The following DLGAP2 variants were observed in gnomAD, a reference collection of about 807,000 sequenced individuals.
The protein encoded by DLGAP2 is DLG associated protein 2.
In DLGAP2, 26 loss-of-function variants were observed where a neutral mutation model predicts 100.3. The observed-to-expected ratio is 0.26, with a 90% confidence interval of 0.19 to 0.36. DLGAP2 has a LOEUF of 0.36. Among genes scored for constraint, DLGAP2 ranks in the 10% least tolerant of loss-of-function variants. DLGAP2 has a pLI of 1.00. For missense variants in DLGAP2, 1,858 were observed against 1,453.2 expected, an observed-to-expected ratio of 1.28 and a Z score of -4.53; for synonymous variants, 886 against 630.1, an observed-to-expected ratio of 1.41 and a Z score of -6.08.
chr8:748,773 C>T (rs1032504728), intron 1 of DLGAP2, among the ~76,000 whole-genome samples: 1 of 152,174 alleles, frequency 6.6e-6, no homozygotes, highest in Admixed American at 6.5e-5. Flanking sequence ...GGGATGCTCT[C>T]GGAAAGCAGC....
intron 2 of DLGAP2, among the ~76,000 whole-genome samples, chr8:1,140,922 G>T: frequency 6.6e-6 from 1 of 152,228 alleles, no homozygotes; most frequent in Non-Finnish European, 1.5e-5. Flanking sequence ...GGTGGAGGTT[G>T]CAGTGAGCAG....
At chr8:796,359 C>T (rs942518851) in intron 1 of DLGAP2, among the ~76,000 whole-genome samples, 1 of 152,178 alleles carries the variant, frequency 6.6e-6, no homozygotes, top group African/African-American at 2.4e-5. Flanking sequence ...CACGGCCCCT[C>T]CGAGACTCCG....
At chr8:1,002,086 A>G (rs549680687) in intron 2 of DLGAP2, 1 of 152,322 alleles carries the variant, frequency 6.6e-6, no homozygotes, top group South Asian at 2.1e-4. Context: ...TGCTTAAATG[A>G]ACGATGATGC....
Position 1,588,521 on chromosome 8 carries a change from C to G in DLGAP2, c.1442+22627C>G, listed in dbSNP as rs1416351327. ...TAATTTATGAATTTTTTCATTTATT[C>G]ATTCGGTAAGTAAATATGTATTAAG... On this transcript the variant is annotated intron_variant, in intron 6 of 14. Transcript: ENST00000637795. Among the ~76,000 whole-genome samples, 5 of 152,106 alleles carry G rather than the reference C, an allele frequency of 3.3e-5. No homozygotes were observed. In the East Asian group the frequency reaches 9.7e-4, roughly 29 times the overall value.
chr8:1,088,379 G>GA (rs71528635), intron 2 of DLGAP2, among the ~76,000 whole-genome samples: 42,462 of 152,040 alleles, frequency 0.28, 5,933 homozygotes, highest in African/African-American at 0.3. Context: ...TAAGCAAGGT[G>GA]AAAAGCTTTT....
At chr8:1,105,122 C>G (rs1177942351) in intron 2 of DLGAP2, 1 of 152,208 alleles carries the variant, frequency 6.6e-6, no homozygotes, top group Non-Finnish European at 1.5e-5. Context: ...GCCCCGAATC[C>G]CAGTGTACAG....
At chr8:1,421,850 G>A (rs985587316) in intron 3 of DLGAP2, among the ~76,000 whole-genome samples, 1 of 152,088 alleles carries the variant, frequency 6.6e-6, no homozygotes, top group Non-Finnish European at 1.5e-5. Context: ...TGTAATCCCA[G>A]CTACTCAAGA....
chr8:1,155,651 ACTCCGAGACCCCCAGGCCC>A (rs537648755), intron 2 of DLGAP2, among the ~76,000 whole-genome samples: 8 of 150,938 alleles, frequency 5.3e-5, no homozygotes, highest in Non-Finnish European at 8.9e-5. Flanking sequence ...GTCTTTCCGG[ACTCCGAGACCCCCAGGCCC>A]CTCCGAGGCC....
chr8:1,273,400 C>T (rs1297067261), intron 3 of DLGAP2, among the ~76,000 whole-genome samples: 1 of 152,194 alleles, frequency 6.6e-6, no homozygotes, highest in Admixed American at 6.5e-5. Context: ...CCCCAGGTCA[C>T]ACAGCTGGCT....
chr8:1,001,313 T>G (rs944301828), intron 2 of DLGAP2, among the ~76,000 whole-genome samples: 7 of 152,210 alleles, frequency 4.6e-5, no homozygotes, highest in African/African-American at 1.7e-4. Flanking sequence ...TATCGAGAAG[T>G]CTGCCGAGCA....
At chr8:1,594,925 G>A (rs988091873) in intron 6 of DLGAP2, among the ~76,000 whole-genome samples, 1 of 152,002 alleles carries the variant, frequency 6.6e-6, no homozygotes, top group Non-Finnish European at 1.5e-5. Context: ...CCACTCACTG[G>A]GGTCTCCAGC....
In DLGAP2 at chr8:1,549,449, G is replaced by C. The variant is rs760029312; in HGVS notation, c.996G>C (p.Gln332His). The C allele has an allele frequency of 1.2e-6, 2 of 1,613,366 alleles. No individual in the cohort carries two copies. Among genetic ancestry groups the C allele is most frequent in the Non-Finnish European group, 1.7e-6 (2 of 1,179,778 alleles). ...CCCACTGCTACCCCGACGCGCTGCA[G>C]AGCCCCTTCGGGGACCTGTCCCTCA... ...PVAHCYPDAL[Q>H]SPFGDLSLKT... The change falls in exon 5 of 15, where the codon CAG becomes CAC. Residue 332 changes from glutamine to histidine, a missense_variant. Coordinates refer to ENST00000637795, the MANE Select transcript of DLGAP2 (RefSeq NM_001346810.2).
rs141720482 is a variant in DLGAP2, at chr8:1,365,845, G to A, written c.106+106962G>A. ...GGCCCTGGGGGGCCGCAGCTCAGAC[G>A]TAAATACACAGTGTCACCTCTCTCT... On this transcript the variant is annotated intron_variant, in intron 3 of 14. Coordinates refer to ENST00000637795, the MANE Select transcript of DLGAP2 (RefSeq NM_001346810.2). 6.4e-3 allele frequency among the ~76,000 whole-genome samples: 970 copies of A among 152,350 alleles called. 8 individuals are homozygous for A. Among genetic ancestry groups the A allele is most frequent in the Non-Finnish European group, 0.011 (755 of 68,036 alleles).
At position 1,371,475 on chromosome 8, in the gene DLGAP2, G is replaced by A. The variant is rs146458156; in HGVS notation, c.106+112592G>A. On this transcript the variant is annotated intron_variant, in intron 3 of 14. Coordinates refer to ENST00000637795, the MANE Select transcript of DLGAP2 (RefSeq NM_001346810.2). ...GACTCAGGCTGGTGCTCTGCCCAGC[G>A]CGTTGCTGCCCAGTCACTGCAGGTT... is the stretch of plus-strand genomic sequence containing the variant. 1.9e-3 allele frequency among the ~76,000 whole-genome samples: 288 copies of A among 152,302 alleles called. 1 individual carries two copies. The highest frequency in any genetic ancestry group is 6.5e-3 in the African/African-American group (271 of 41,568).
intron 3 of DLGAP2, among the ~76,000 whole-genome samples, chr8:1,303,393 T>C (rs1271781829): frequency 8.8e-6 from 1 of 114,028 alleles, no homozygotes; most frequent in Non-Finnish European, 1.8e-5. Context: ...CGAGACTCCG[T>C]CTCAAAAACA....
At chr8:1,232,617 G>T (rs964213191) in intron 2 of DLGAP2, among the ~76,000 whole-genome samples, 2 of 152,226 alleles carry the variant, frequency 1.3e-5, no homozygotes, top group African/African-American at 4.8e-5. Context: ...TTTGTTGAGT[G>T]TGGAATCCAC....
At chr8:796,503 C>G (rs1300611811) in intron 1 of DLGAP2, among the ~76,000 whole-genome samples, 1 of 152,166 alleles carries the variant, frequency 6.6e-6, no homozygotes, top group Non-Finnish European at 1.5e-5. Context: ...GAGGGTGTGG[C>G]CTGCTCTGTT....
chr8:762,698 GTCT>G (rs1441576447), intron 1 of DLGAP2, among the ~76,000 whole-genome samples: 2 of 152,100 alleles, frequency 1.3e-5, no homozygotes, highest in South Asian at 2.1e-4. Context: ...AGGAGACAGG[GTCT>G]CACTCTAGCC....
chr8:1,103,458 C>G (rs1388240187), intron 2 of DLGAP2, among the ~76,000 whole-genome samples: 2 of 147,786 alleles, frequency 1.4e-5, no homozygotes, highest in Admixed American at 6.7e-5. Flanking sequence ...CTGGCGGGGC[C>G]TTGGTTAACG....
Sources: allele counts gnomAD v4.1 joint callset (sites outside exome capture counted in the v4.1 genomes callset), GRCh38; gene constraint gnomAD v4.1.1; transcripts MANE v1.5; gene names NCBI Gene and HGNC (gene_info 2026-07-23, HGNC 2026-07-21).